The following RTN4RL2 variants were observed in gnomAD, a reference collection of about 807,000 sequenced individuals.
RTN4RL2 encodes reticulon-4 receptor-like 2.
In RTN4RL2, 9 loss-of-function variants were observed where a neutral mutation model predicts 27.8. The observed-to-expected ratio is 0.32, with a 90% CI of 0.20 to 0.57. RTN4RL2 has a LOEUF of 0.57. Ranked by LOEUF, RTN4RL2 falls within the 20% of genes least tolerant of loss-of-function variation. RTN4RL2 has a pLI of 0.90. For synonymous variants in RTN4RL2, 285 were observed against 297.9 expected (o/e 0.96, Z 0.45); for missense variants, 436 against 596.8 (o/e 0.73, Z 2.81).
At chr11:57,462,331 C>T (rs1943491047) in intron 1 of RTN4RL2, among the ~76,000 whole-genome samples, 2 of 152,166 alleles carry the variant, frequency 1.3e-5, no homozygotes. Context: ...ACCTCCATCC[C>T]ACTCCTCAGC....
rs567439610 is a variant in RTN4RL2 at position 57,467,884 on chromosome 11, C to T, written c.307C>T (p.Arg103Cys). 30 of 1,613,986 alleles carry T rather than the reference C, an allele frequency of 1.9e-5. No homozygotes were observed. The highest frequency in any genetic ancestry group is 2.4e-5 in the Non-Finnish European group (28 of 1,179,978). The change falls in exon 2 of 3, where the codon CGC (arginine) becomes TGC (cysteine). Residue 103 changes from arginine to cysteine, a missense_variant. Transcript: ENST00000335099. This position sits in a 1 kb window ranked among gnomAD's most constrained non-coding sequence, Gnocchi z 5.5. ...CTCCACCATCTACCCGGGCACTTTC[C>T]GCCACTTGCAAGCCCTGGAGGAGCT... ...NLSTIYPGTF[R>C]HLQALEELDL...
At chr11:57,462,015 G>A (rs1344317295) in intron 1 of RTN4RL2, among the ~76,000 whole-genome samples, 1 of 151,978 alleles carries the variant, frequency 6.6e-6, no homozygotes, top group Non-Finnish European at 1.5e-5. Flanking sequence ...CTCTCAGGGA[G>A]TGGCTGGTGG....
At chr11:57,461,496 A>G (rs1943485043) in intron 1 of RTN4RL2, among the ~76,000 whole-genome samples, 1 of 150,276 alleles carries the variant, frequency 6.7e-6, no homozygotes, top group East Asian at 2.0e-4. Flanking sequence ...AAGATGGAGA[A>G]AGTGGTGAGG....
chr11:57,465,230 C>A (rs1224595082), intron 1 of RTN4RL2, among the ~76,000 whole-genome samples: 1 of 152,248 alleles, frequency 6.6e-6, no homozygotes, highest in Non-Finnish European at 1.5e-5. Context: ...GCGTGCACAC[C>A]TGGCTGAGCA....
At chr11:57,469,790 T>C (rs988375488) in intron 2 of RTN4RL2, among the ~76,000 whole-genome samples, 4 of 152,168 alleles carry the variant, frequency 2.6e-5, no homozygotes, top group African/African-American at 9.7e-5. Flanking sequence ...CCTCATCTCA[T>C]TTCTACAGCC....
rs899360656 is a variant in RTN4RL2 at position 57,476,254 on chromosome 11, G to A, written c.606G>A (p.Leu202=). Residue 202 remains leucine, a synonymous_variant, in exon 3 of 3, where the codon CTG becomes CTA. Coordinates refer to ENST00000335099, the MANE Select transcript of RTN4RL2 (RefSeq NM_178570.3). The surrounding 1 kb of genome is among the most constrained non-coding windows in gnomAD (Gnocchi z 8.2). ...TCACAGAGCACGTGTTTCGCGGCCT[G>A]GGCAGCCTGGACCGGCTGCTGCTGC... The part of the protein sequence containing the change: ...RLLTEHVFRG[L]GSLDRLLLHG... 3.7e-6 allele frequency: 6 copies of A among 1,612,526 alleles called. No individual in the cohort carries two copies. The highest frequency in any genetic ancestry group is 4.5e-5 in the East Asian group (2 of 44,838).
At chr11:57,468,813 T>C (rs1315259765) in intron 2 of RTN4RL2, 2 of 1,314,726 alleles carry the variant, frequency 1.5e-6, no homozygotes, top group East Asian at 2.5e-5. Flanking sequence ...AGCTGGAGAA[T>C]GGATGCTCTG....
intron 2 of RTN4RL2, among the ~76,000 whole-genome samples, chr11:57,470,628 G>A (rs1315480206): frequency 2.0e-5 from 3 of 150,516 alleles, no homozygotes; most frequent in Non-Finnish European, 4.4e-5. Flanking sequence ...AAGGCATTTA[G>A]CACATATGGG....
In RTN4RL2 at chr11:57,460,884, C is replaced by G; in HGVS notation, c.19C>G (p.Arg7Gly). ...AGACAAGATGCTGCCCGGGCTCAGGCGCCTGCTGCAAGGTAAGAACGCCAG... is the reference window on the plus strand; with the variant it reads ...AGACAAGATGCTGCCCGGGCTCAGGGGCCTGCTGCAAGGTAAGAACGCCAG... MLPGLR[R>G]LLQAPASACL... Residue 7 changes from arginine to glycine, a missense_variant, in exon 1 of 3, where the codon CGC becomes GGC. Arg to Gly is a moderately radical substitution (Grantham distance 125). Coordinates refer to ENST00000335099, the MANE Select transcript of RTN4RL2 (RefSeq NM_178570.3). 1 of 1,406,836 alleles carries G rather than the reference C, an allele frequency of 7.1e-7. No homozygotes were observed. The highest frequency in any genetic ancestry group is 9.4e-7 in the Non-Finnish European group (1 of 1,066,576). 87.1% of individuals were successfully genotyped at this position (1,406,836 alleles called of 1,614,324 possible).
Position 57,476,547 on chromosome 11 carries a change from G to T in RTN4RL2, c.899G>T (p.Arg300Leu). The T allele has an allele frequency of 7.1e-7, 1 of 1,402,042 alleles. No homozygotes were observed. Among genetic ancestry groups the T allele is most frequent in the Non-Finnish European group, 9.2e-7 (1 of 1,086,832 alleles). The allele number at this position is 1,402,042 out of a possible 1,614,324, so 86.9% of individuals were successfully genotyped here. A position where few individuals can be genotyped will look rare whatever the true frequency, so the allele number is the denominator to read the frequency against. Residue 300 changes from arginine (R) to leucine (L), a missense_variant, in exon 3 of 3, where the codon CGC (arginine) becomes CTC (leucine). Physicochemically the swap from Arg to Leu is moderately radical, Grantham distance 102. Around this residue, in one of 3 missense-constraint regions of RTN4RL2, gnomAD observed 365 missense variants for 530.5 expected, o/e 0.69. Transcript: ENST00000335099. The surrounding 1 kb of genome is among the most constrained non-coding windows in gnomAD (Gnocchi z 8.2). Reference sequence around the variant, plus strand: ...CCGGAGCGCCAGGGCCGAGACCTGCGCGCGCTCCGCGAGGCCGACTTCCAG... The same window carrying T: ...CCGGAGCGCCAGGGCCGAGACCTGCTCGCGCTCCGCGAGGCCGACTTCCAG... ...TPPERQGRDL[R>L]ALREADFQAC...
At chr11:57,461,104 C>T (rs1354972357) in intron 1 of RTN4RL2, among the ~76,000 whole-genome samples, 1 of 152,138 alleles carries the variant, frequency 6.6e-6, no homozygotes, top group Admixed American at 6.5e-5. Context: ...GTGCGAGGAG[C>T]TCGTGACCGA....
Position 57,476,807 on chromosome 11 carries a change from G to A in RTN4RL2, c.1159G>A (p.Gly387Ser), listed in dbSNP as rs749222304. ...CCAGCGAGGGGAGCAGATGTGCCCC[G>A]GCGCTGCCTGCCAGGCGCCCCCGGA... ...EDQRGEQMCPGAACQAPPDSR... is the reference protein window; with the variant it reads ...EDQRGEQMCPSAACQAPPDSR... Residue 387 changes from glycine (G) to serine (S), a missense_variant, in exon 3 of 3, where the codon GGC becomes AGC. Coordinates refer to ENST00000335099, the MANE Select transcript of RTN4RL2 (RefSeq NM_178570.3). The surrounding 1 kb of genome is among the most constrained non-coding windows in gnomAD (Gnocchi z 8.2). 6.5e-7 allele frequency: 1 copy of A among 1,539,844 alleles called. No homozygotes were observed. The highest frequency in any genetic ancestry group is 8.7e-7 in the Non-Finnish European group (1 of 1,149,566).
chr11:57,465,192 C>T (rs1267953110), intron 1 of RTN4RL2, among the ~76,000 whole-genome samples: 1 of 152,232 alleles, frequency 6.6e-6, no homozygotes, highest in Non-Finnish European at 1.5e-5. Context: ...GGGATGCCAG[C>T]GCCACACTCG....
chr11:57,476,552 C>A lies in RTN4RL2; in HGVS notation c.904C>A (p.Leu302Ile). Reference sequence around the variant, plus strand: ...GCGCCAGGGCCGAGACCTGCGCGCGCTCCGCGAGGCCGACTTCCAGGCGTG... The same window carrying A: ...GCGCCAGGGCCGAGACCTGCGCGCGATCCGCGAGGCCGACTTCCAGGCGTG... ...PERQGRDLRA[L>I]READFQACPP... The change falls in exon 3 of 3, where the codon CTC becomes ATC. Residue 302 changes from leucine to isoleucine, a missense_variant. Physicochemically the swap from Leu to Ile is conservative, Grantham distance 5. This residue lies in a region of RTN4RL2 where 365 missense variants were observed against 530.5 expected (regional missense o/e 0.69). Coordinates refer to ENST00000335099, the MANE Select transcript of RTN4RL2 (RefSeq NM_178570.3). The surrounding 1 kb of genome is among the most constrained non-coding windows in gnomAD (Gnocchi z 8.2). The A allele has an allele frequency of 7.2e-7, 1 of 1,397,622 alleles. No individual in the cohort carries two copies. The highest frequency in any genetic ancestry group is 9.2e-7 in the Non-Finnish European group (1 of 1,084,610). 86.6% of individuals were successfully genotyped at this position (1,397,622 alleles called of 1,614,324 possible).
At chr11:57,470,295 T>A (rs377136353) in intron 2 of RTN4RL2, among the ~76,000 whole-genome samples, 42 of 152,336 alleles carry the variant, frequency 2.8e-4, no homozygotes, top group South Asian at 1.0e-3. Context: ...TCGCCCAGGC[T>A]GGAGTGCAGT....
chr11:57,473,540 C>T lies in RTN4RL2; in HGVS notation c.514-2622C>T, dbSNP rs1180666911. On this transcript the variant is annotated intron_variant, in intron 2 of 2. Transcript: ENST00000335099. ...TGGTTTTTGAAATGGAAGAGGATGA[C>T]TTTAGCAGAGGCTCTCAGCCCAGAG... 2.3e-5 allele frequency among the ~76,000 whole-genome samples: 3 copies of T among 130,022 alleles called. No homozygotes were observed. The East Asian group carries it at 6.5e-4, about 28-fold the overall frequency. The allele number at this position is 130,022 out of a possible 152,430, so 85.3% of individuals were successfully genotyped here. A position where few individuals can be genotyped will look rare whatever the true frequency, so the allele number is the denominator to read the frequency against.
rs143878530 is a variant in RTN4RL2, at chr11:57,467,060, T to C, written c.32-549T>C. ...GAAGAGATGATCATTCTTCAACCAA[T>C]TTGCAGTGCTTTCTACAATGGCCTT... On this transcript the variant is annotated intron_variant, in intron 1 of 2. Coordinates refer to ENST00000335099, the MANE Select transcript of RTN4RL2 (RefSeq NM_178570.3). This position sits in a 1 kb window ranked among gnomAD's most constrained non-coding sequence, Gnocchi z 5.5. Among the ~76,000 whole-genome samples, 123 of 152,348 alleles carry C rather than the reference T, an allele frequency of 8.1e-4. No individual in the cohort carries two copies. Among genetic ancestry groups the C allele is most frequent in the Non-Finnish European group, 1.3e-3 (89 of 68,032 alleles).
intron 2 of RTN4RL2, among the ~76,000 whole-genome samples, chr11:57,471,219 G>A (rs945910579): frequency 6.9e-6 from 1 of 145,926 alleles, no homozygotes; most frequent in Non-Finnish European, 1.5e-5. Context: ...CTGGGTGACA[G>A]AGCAAGACTC....
chr11:57,472,860 G>T lies in RTN4RL2; in HGVS notation c.514-3302G>T, dbSNP rs555715736. Among the ~76,000 whole-genome samples, 7 of 152,296 alleles carry T rather than the reference G, an allele frequency of 4.6e-5. No homozygotes were observed. In the South Asian group the frequency reaches 1.2e-3, roughly 27 times the overall value. On this transcript the variant is annotated intron_variant, in intron 2 of 2. Transcript: ENST00000335099. ...GGAACATGACCTAGAATTGGCCCAG[G>T]TCTGTCTGACTCCAGAGTGCAGTTG...
Sources: gnomAD v4.1 joint callset for allele counts (sites outside exome capture counted in the v4.1 genomes callset) on GRCh38, gnomAD v4.1.1 for gene constraint, gnomAD v4.1.1 regional missense constraint, Gnocchi (gnomAD v3.1) non-coding constraint, MANE v1.5 for transcripts, NCBI Gene and HGNC (gene_info 2026-07-23, HGNC 2026-07-21) for gene names.